Variants in FNDC8 observed in about 807,000 individuals in gnomAD.
FNDC8 encodes the protein fibronectin type III domain-containing protein 8.
A neutral mutation model predicts 24.8 loss-of-function variants in FNDC8; 23 were observed. The observed-to-expected ratio is 0.93, with a 90% CI of 0.67 to 1.31. FNDC8 has a LOEUF of 1.31. FNDC8 is among the 40% of genes most tolerant of loss of function. FNDC8 has a pLI of 0.00. For synonymous variants in FNDC8, 158 were observed against 165.3 expected (o/e 0.96, Z 0.34); for missense variants, 371 against 398.2 (o/e 0.93, Z 0.58).
intron 3 of FNDC8, chr17:35,130,004 A>AG: frequency 3.6e-6 from 5 of 1,381,820 alleles, no homozygotes; most frequent in Non-Finnish European, 4.7e-6. Context: ...AAGAGGCTAA[A>AG]GGGGGACGAA....
chr17:35,125,118 G>A (rs2091844226), intron 1 of FNDC8, among the ~76,000 whole-genome samples: 2 of 151,436 alleles, frequency 1.3e-5, no homozygotes, highest in African/African-American at 4.9e-5. Flanking sequence ...TCATGTACAA[G>A]GTTTTTCTTT....
Position 35,130,378 on chromosome 17 carries a change from A to T in FNDC8, c.919A>T (p.Ile307Phe), listed in dbSNP as rs780753986. 3 of 1,613,996 alleles carry T rather than the reference A, an allele frequency of 1.9e-6. No individual in the cohort carries two copies. The highest frequency in any genetic ancestry group is 1.1e-5 in the South Asian group (1 of 91,094). The change falls in exon 4 of 4, where the codon ATC becomes TTC. Residue 307 changes from isoleucine (I) to phenylalanine (F), a missense_variant. By Grantham distance (21) the Ile-to-Phe change is conservative. Transcript: ENST00000158009. Reference sequence around the variant, plus strand: ...GGAACCCCGGCAAAAGATCGTGTCCATCGGGCCGGAGGAGATGCGGAGGCT... The same window carrying T: ...GGAACCCCGGCAAAAGATCGTGTCCTTCGGGCCGGAGGAGATGCGGAGGCT... ...RKEPRQKIVS[I>F]GPEEMRRLED...
chr17:35,130,048 G>A (rs2091867051), intron 3 of FNDC8: 6 of 1,406,500 alleles, frequency 4.3e-6, no homozygotes, highest in Non-Finnish European at 5.5e-6. Flanking sequence ...GTAGGGGTAT[G>A]GGGGTATAGA....
chr17:35,130,052 G>A (rs1277296638), intron 3 of FNDC8: 1 of 1,406,996 alleles, frequency 7.1e-7, no homozygotes, highest in African/African-American at 1.4e-5. Flanking sequence ...GGGTATGGGG[G>A]TATAGAGGCC....
rs775688206 is a variant in FNDC8, at chr17:35,127,336, G to A, written c.504G>A (p.Thr168=). Residue 168 remains threonine (T), a synonymous_variant, in exon 2 of 4, where the codon ACG becomes ACA. Transcript: ENST00000158009. ...NPELETETSS[T]HSESSVVVDL... is the part of the protein sequence containing the mutation. ...AGCTGGAGACAGAAACCTCCTCAACGCACTCAGAATCTTCTGTGGTTGTGG... is the reference window on the plus strand; with the variant it reads ...AGCTGGAGACAGAAACCTCCTCAACACACTCAGAATCTTCTGTGGTTGTGG... 14 of 1,610,120 alleles carry A rather than the reference G, an allele frequency of 8.7e-6. No individual in the cohort carries two copies. The highest frequency in any genetic ancestry group is 8.5e-5 in the Admixed American group (5 of 59,022).
At chr17:35,126,494 A>G (rs1277938141) in intron 1 of FNDC8, among the ~76,000 whole-genome samples, 1 of 144,464 alleles carries the variant, frequency 6.9e-6, no homozygotes, top group Non-Finnish European at 1.5e-5. Context: ...AGGATTTTCT[A>G]AGCTTTTTTT....
chr17:35,129,612 G>A lies in FNDC8; in HGVS notation c.776G>A (p.Arg259His), dbSNP rs34615886. 2,374 of 1,614,114 alleles carry A rather than the reference G, an allele frequency of 1.5e-3. 17 individuals carry two copies. The African/African-American group carries it at 0.02, about 14-fold the overall frequency. Residue 259 changes from arginine (R) to histidine (H), a missense_variant, in exon 3 of 4, where the codon CGT becomes CAT. Transcript: ENST00000158009. The stretch of plus-strand genomic sequence containing the variant: ...AACACGTGTTACTGCCTCAGTGTCC[G>A]TGCAGCCAACACAGCTGGGGTGGGG... ...KPNTCYCLSVRAANTAGVGKW... is the reference protein window; with the variant it reads ...KPNTCYCLSVHAANTAGVGKW...
chr17:35,128,308 C>A (rs1397013197), intron 2 of FNDC8, among the ~76,000 whole-genome samples: 2 of 152,378 alleles, frequency 1.3e-5, no homozygotes, highest in Non-Finnish European at 2.9e-5. Flanking sequence ...ACATTTGGGC[C>A]TCCTGAGTCA....
At chr17:35,129,287 C>A in intron 2 of FNDC8, 135 bp from the exon 3 acceptor site, 2 of 1,141,680 alleles carry the variant, frequency 1.8e-6, no homozygotes, top group Non-Finnish European at 2.5e-6. Flanking sequence ...GTACCTTGCA[C>A]CTTCCATCTG....
chr17:35,123,784 C>T (rs184934022), intron 1 of FNDC8, among the ~76,000 whole-genome samples: 13 of 152,182 alleles, frequency 8.5e-5, no homozygotes, highest in Non-Finnish European at 1.3e-4. Context: ...GATCAGGGAC[C>T]CTCAGCCCCT....
Position 35,130,280 on chromosome 17 carries a change from A to T in FNDC8, c.823-2A>T. 3 of 1,613,328 alleles carry T rather than the reference A, an allele frequency of 1.9e-6. No individual in the cohort carries two copies. Among genetic ancestry groups the T allele is most frequent in the Non-Finnish European group, 2.5e-6 (3 of 1,179,606 alleles). ...CTGAAGGGTTTTCTTGTTTCACTTCAGTTTGCAACCCTGGCCACTGACTTC... is the reference window on the plus strand; with the variant it reads ...CTGAAGGGTTTTCTTGTTTCACTTCTGTTTGCAACCCTGGCCACTGACTTC... On this transcript the variant is annotated splice_acceptor_variant, in intron 3 of 3. Transcript: ENST00000158009. LOFTEE classifies it high-confidence loss of function.
Position 35,129,658 on chromosome 17 carries a change from A to G in FNDC8, c.822A>G (p.Lys274=), listed in dbSNP as rs1384721522. Residue 274 remains lysine, a splice_region_variant and synonymous_variant, in exon 3 of 4, where the codon AAA becomes AAG. Transcript: ENST00000158009. ...AGVGKWCKPY[K]FATLATDFSS... is the part of the protein sequence containing the mutation. ...TGGGGAAGTGGTGCAAGCCCTACAA[A>G]GTGAGCCCTGGGAAAAGAGGGGCCT... 1.2e-6 allele frequency: 2 copies of G among 1,613,414 alleles called. No individual in the cohort carries two copies. Among genetic ancestry groups the G allele is most frequent in the South Asian group, 1.1e-5 (1 of 91,002 alleles).
In FNDC8 at chr17:35,127,233, A is replaced by ACCGCCAGGAGCG. The variant is rs763942980; in HGVS notation, c.403_404insGCCAGGAGCGCC (p.Asp134_Leu135insArgGlnGluArg). On this transcript the variant is annotated inframe_insertion, in exon 2 of 4. Coordinates refer to ENST00000158009, the MANE Select transcript of FNDC8 (RefSeq NM_017559.4). ...ATGGCCAAGAATGCAGAAAATGAGG[A>ACCGCCAGGAGCG]CCTGGCGCTCGGCCCCTGCCCATGC... The ACCGCCAGGAGCG allele has an allele frequency of 3.1e-6, 5 of 1,613,822 alleles. No homozygotes were observed. Among genetic ancestry groups the ACCGCCAGGAGCG allele is most frequent in the Non-Finnish European group, 2.5e-6 (3 of 1,179,820 alleles).
chr17:35,129,237 G>A (rs1177508564), intron 2 of FNDC8, 185 bp from the exon 3 acceptor site: 6 of 727,966 alleles, frequency 8.2e-6, no homozygotes, highest in East Asian at 7.6e-5. Flanking sequence ...CAGGAGAGTA[G>A]TACATGCTTC....
At chr17:35,127,011 T>G in intron 1 of FNDC8, 31 bp from the exon 2 acceptor site, 1 of 1,546,572 alleles carries the variant, frequency 6.5e-7, no homozygotes, top group African/African-American at 1.4e-5. Context: ...GCCTCCTTCA[T>G]CTGATTCACC....
intron 1 of FNDC8, 59 bp downstream of exon 1, chr17:35,121,961 T>G: frequency 8.6e-7 from 1 of 1,166,342 alleles, no homozygotes; most frequent in Non-Finnish European, 1.2e-6. Context: ...CTTCCTCCCT[T>G]CCTTCCTCCC....
Position 35,127,115 on chromosome 17 carries a change from C to A in FNDC8, c.283C>A (p.Leu95Met). The change falls in exon 2 of 4, where the codon CTG becomes ATG. Residue 95 changes from leucine (L) to methionine (M), a missense_variant. By Grantham distance (15) the Leu-to-Met change is conservative. Coordinates refer to ENST00000158009, the MANE Select transcript of FNDC8 (RefSeq NM_017559.4). ...TSISAFSSTL[L>M]NPIKLAVTQP... ...CATCTCTGCCTTCTCATCCACCTTG[C>A]TGAACCCCATCAAATTAGCTGTGAC... 6.2e-7 allele frequency: 1 copy of A among 1,614,200 alleles called. No homozygotes were observed. Among genetic ancestry groups the A allele is most frequent in the Non-Finnish European group, 8.5e-7 (1 of 1,180,018 alleles).
At chr17:35,129,859 A>G in intron 3 of FNDC8, 1 of 1,420,946 alleles carries the variant, frequency 7.0e-7, no homozygotes, top group Non-Finnish European at 9.2e-7. Flanking sequence ...CCCACTAGGA[A>G]TGCAAACGAA....
intron 2 of FNDC8, 69 bp downstream of exon 2, chr17:35,127,486 T>C (rs1377530065): frequency 1.4e-6 from 2 of 1,465,428 alleles, no homozygotes; most frequent in Non-Finnish European, 9.0e-7. Context: ...GCTCCATGGG[T>C]AGTGAGAAGG....
Sources: allele counts gnomAD v4.1 joint callset (sites outside exome capture counted in the v4.1 genomes callset), GRCh38; gene constraint gnomAD v4.1.1; transcripts MANE v1.5; gene names NCBI Gene and HGNC (gene_info 2026-07-23, HGNC 2026-07-21).